The following TNFAIP3 variants were observed in gnomAD, a reference collection of about 807,000 sequenced individuals.
The protein encoded by TNFAIP3 is TNF alpha induced protein 3.
Under a neutral mutation model 72.4 loss-of-function variants are expected in TNFAIP3, and 9 were observed. That is an observed-to-expected ratio of 0.12 (90% CI 0.07 to 0.22). The LOEUF is 0.22. Ranked by LOEUF, TNFAIP3 falls within the 10% of genes least tolerant of loss-of-function variation. The pLI is 1.00. For synonymous variants in TNFAIP3, 339 were observed against 372.6 expected (o/e 0.91, Z 1.04); for missense variants, 833 against 1,018.7 (o/e 0.82, Z 2.48).
In TNFAIP3 at chr6:137,878,806, C is replaced by T; in HGVS notation, c.1361C>T (p.Thr454Ile). Reference sequence around the variant, plus strand: ...TTGGCGTGGAACCCTGAGGAGTCCACTGGGGGGCCTCATTCGGCCCCACCG... The same window carrying T: ...TTGGCGTGGAACCCTGAGGAGTCCATTGGGGGGCCTCATTCGGCCCCACCG... The part of the protein sequence containing the change: ...EPLAWNPEES[T>I]GGPHSAPPTA... The change falls in exon 7 of 9, where the codon ACT becomes ATT. Residue 454 changes from threonine to isoleucine, a missense_variant. Transcript: ENST00000612899. 6.2e-7 allele frequency: 1 copy of T among 1,614,112 alleles called. No individual in the cohort carries two copies. Among genetic ancestry groups the T allele is most frequent in the Non-Finnish European group, 8.5e-7 (1 of 1,180,038 alleles).
At chr6:137,873,935 A>G (rs1776144344) in intron 2 of TNFAIP3, among the ~76,000 whole-genome samples, 1 of 152,186 alleles carries the variant, frequency 6.6e-6, no homozygotes, top group Non-Finnish European at 1.5e-5. Flanking sequence ...TATAAAAATT[A>G]TTTTGCACTT....
chr6:137,869,547 A>C (rs5029930), intron 1 of TNFAIP3, among the ~76,000 whole-genome samples: 29,202 of 152,146 alleles, frequency 0.19, 5,038 homozygotes, highest in African/African-American at 0.47. Context: ...AATGACTCCC[A>C]CTATGCCTTT....
At chr6:137,875,419 G>T (rs1218277065) in intron 3 of TNFAIP3, among the ~76,000 whole-genome samples, 1 of 152,096 alleles carries the variant, frequency 6.6e-6, no homozygotes, top group Non-Finnish European at 1.5e-5. Context: ...ATAAGGGGCT[G>T]CAATATGATA....
At position 137,881,566 on chromosome 6, in the gene TNFAIP3, T is replaced by G; in HGVS notation, c.*247T>G. On this transcript the variant is annotated 3_prime_UTR_variant, in exon 9 of 9. Coordinates refer to ENST00000612899, the MANE Select transcript of TNFAIP3 (RefSeq NM_001270508.2). The surrounding 1 kb of genome is among the most constrained non-coding windows in gnomAD (Gnocchi z 5.0). The stretch of plus-strand genomic sequence containing the variant: ...GGATGATGTCAGATTCAGCCCAAGG[T>G]TCCTCCTCTCCTACCAAGCAGGAGG... 5 of 414,016 alleles carry G rather than the reference T, an allele frequency of 1.2e-5. No individual in the cohort carries two copies. The highest frequency in any genetic ancestry group is 3.7e-5 in the East Asian group (1 of 27,038). 25.6% of individuals were successfully genotyped at this position (414,016 alleles called of 1,614,324 possible). A position where few individuals can be genotyped will look rare whatever the true frequency, so the allele number is the denominator to read the frequency against.
Position 137,875,016 on chromosome 6 carries a change from G to T in TNFAIP3, c.467G>T (p.Gly156Val), listed in dbSNP as rs1431526097. 9 of 1,614,020 alleles carry T rather than the reference G, an allele frequency of 5.6e-6. No individual in the cohort carries two copies. The highest frequency in any genetic ancestry group is 6.8e-6 in the Non-Finnish European group (8 of 1,180,040). Residue 156 changes from glycine to valine, a missense_variant, in exon 3 of 9, where the codon GGG becomes GTG. Coordinates refer to ENST00000612899, the MANE Select transcript of TNFAIP3 (RefSeq NM_001270508.2). ...AAATCTCAGGAATTTGTTGAAACGG[G>T]GCTTTGCTATGATACTCGGGTAGGT... ...SLKSQEFVETGLCYDTRNWND... is the reference protein window; with the variant it reads ...SLKSQEFVETVLCYDTRNWND...
intron 2 of TNFAIP3, among the ~76,000 whole-genome samples, chr6:137,873,670 G>C (rs1776134288): frequency 6.6e-6 from 1 of 152,106 alleles, no homozygotes; most frequent in Non-Finnish European, 1.5e-5. Flanking sequence ...TTTTGCAAAG[G>C]GGAAATTTCA....
intron 2 of TNFAIP3, among the ~76,000 whole-genome samples, chr6:137,872,151 T>C (rs1424372652): frequency 6.6e-6 from 1 of 152,240 alleles, no homozygotes; most frequent in African/African-American, 2.4e-5. Context: ...GGGTTCTTAG[T>C]CACTGAATTC....
rs780049410 is a variant in TNFAIP3 at position 137,880,125 on chromosome 6, C to A, written c.1961C>A (p.Thr654Asn). The stretch of plus-strand genomic sequence containing the variant: ...CCCACAGCGTCCAGGTTCCAGAACA[C>A]CATTCCGTGCCTGGGGAGGGAATGC... The part of the protein sequence containing the change: ...VSPTASRFQN[T>N]IPCLGRECGT... The change falls in exon 8 of 9, where the codon ACC becomes AAC. Residue 654 changes from threonine (T) to asparagine (N), a missense_variant. Thr to Asn is a moderately conservative substitution (Grantham distance 65, BLOSUM62 0). Around this residue, in one of 2 missense-constraint regions of TNFAIP3, gnomAD observed 587 missense variants for 657.8 expected, o/e 0.89. Transcript: ENST00000612899. 1.2e-6 allele frequency: 2 copies of A among 1,614,120 alleles called. No individual in the cohort carries two copies. The highest frequency in any genetic ancestry group is 1.7e-6 in the Non-Finnish European group (2 of 1,180,010).
intron 1 of TNFAIP3, among the ~76,000 whole-genome samples, chr6:137,869,796 C>A (rs548769093): frequency 2.3e-4 from 35 of 152,300 alleles, no homozygotes; most frequent in Non-Finnish European, 3.5e-4. Flanking sequence ...GTTGCCCTGG[C>A]AAATAAGATG....
chr6:137,872,202 G>A (rs1330171962), intron 2 of TNFAIP3, among the ~76,000 whole-genome samples: 1 of 152,180 alleles, frequency 6.6e-6, no homozygotes, highest in East Asian at 1.9e-4. Context: ...TTTACCACTA[G>A]TAGCTATTTC....
intron 8 of TNFAIP3, among the ~76,000 whole-genome samples, chr6:137,880,506 A>C (rs139310886): frequency 1.3e-5 from 2 of 152,374 alleles, no homozygotes; most frequent in East Asian, 3.9e-4. Flanking sequence ...CAGCCATTGC[A>C]TAAAACTTCT....
chr6:137,874,114 C>T (rs1776150579), intron 2 of TNFAIP3, among the ~76,000 whole-genome samples: 1 of 152,152 alleles, frequency 6.6e-6, no homozygotes, highest in Non-Finnish European at 1.5e-5. Flanking sequence ...TTTTTCTTCT[C>T]AAAATGTTAG....
chr6:137,866,492 G>A (rs1775840101), upstream of TNFAIP3: 1 of 152,524 alleles, frequency 6.6e-6, no homozygotes, highest in African/African-American at 2.4e-5. Context: ...TGAATGCAAT[G>A]TCAGCTGGAT....
At position 137,867,900 on chromosome 6, in the gene TNFAIP3, T is replaced by C. The variant is rs1309876751; in HGVS notation, c.-16+358T>C. ...GTCTTTTTTGGAGCCAAGCGTTGCA[T>C]GCTCATGGCCACGTAGACCTTGCAG... is the stretch of plus-strand genomic sequence containing the variant. On this transcript the variant is annotated intron_variant, in intron 1 of 8. Coordinates refer to ENST00000612899, the MANE Select transcript of TNFAIP3 (RefSeq NM_001270508.2). The surrounding 1 kb of genome is among the most constrained non-coding windows in gnomAD (Gnocchi z 6.0). The C allele has an allele frequency of 3.9e-5, 6 of 152,422 alleles. No homozygotes were observed. Among genetic ancestry groups the C allele is most frequent in the Non-Finnish European group, 7.3e-5 (5 of 68,060 alleles). 9.4% of individuals were successfully genotyped at this position (152,422 alleles called of 1,614,324 possible).
At position 137,879,143 on chromosome 6, in the gene TNFAIP3, T is replaced by C. The variant is rs1229895006; in HGVS notation, c.1698T>C (p.Asp566=). The C allele has an allele frequency of 1.2e-6, 2 of 1,614,054 alleles. No individual in the cohort carries two copies. Among genetic ancestry groups the C allele is most frequent in the East Asian group, 4.5e-5 (2 of 44,866 alleles). The change falls in exon 7 of 9, where the codon GAT becomes GAC. Residue 566 remains aspartate, a synonymous_variant. Coordinates refer to ENST00000612899, the MANE Select transcript of TNFAIP3 (RefSeq NM_001270508.2). ...PPSCHQRSKS[D]PSRLVRSPSP... is the part of the protein sequence containing the mutation. ...CCTGTCACCAGCGTTCCAAGTCAGATCCCTCGCGGCTCGTCCGGAGCCCCT... is the reference window on the plus strand; with the variant it reads ...CCTGTCACCAGCGTTCCAAGTCAGACCCCTCGCGGCTCGTCCGGAGCCCCT...
rs1021046747 is a variant in TNFAIP3, at chr6:137,871,671, G to A, written c.295+149G>A. ...CCTTTATATAGAATCTCTATTCGGG[G>A]TATGTGATAATAGCAGACTTGTTTT... On this transcript the variant is annotated intron_variant, in intron 2 of 8. Coordinates refer to ENST00000612899, the MANE Select transcript of TNFAIP3 (RefSeq NM_001270508.2). This position sits in a 1 kb window ranked among gnomAD's most constrained non-coding sequence, Gnocchi z 4.2. 9.1e-5 allele frequency: 80 copies of A among 876,808 alleles called. No homozygotes were observed. Among genetic ancestry groups the A allele is most frequent in the Non-Finnish European group, 1.3e-4 (75 of 583,550 alleles). The allele number at this position is 876,808 out of a possible 1,614,324, so 54.3% of individuals were successfully genotyped here.
rs1776328032 is a variant in TNFAIP3 at position 137,878,611 on chromosome 6, C to T, written c.1166C>T (p.Thr389Met). 6 of 1,614,246 alleles carry T rather than the reference C, an allele frequency of 3.7e-6. No homozygotes were observed. The highest frequency in any genetic ancestry group is 1.1e-5 in the South Asian group (1 of 91,092). The change falls in exon 7 of 9, where the codon ACG becomes ATG. Residue 389 changes from threonine to methionine, a missense_variant. By Grantham distance (81) the Thr-to-Met change is moderately conservative. This residue lies in a region of TNFAIP3 where 587 missense variants were observed against 657.8 expected (regional missense o/e 0.89). Transcript: ENST00000612899. ...TCTCTCATGGATGTAAAATGTGAAACGCCCAACTGCCCCTTCTTCATGTCT... is the reference window on the plus strand; with the variant it reads ...TCTCTCATGGATGTAAAATGTGAAATGCCCAACTGCCCCTTCTTCATGTCT... ...QLSLMDVKCETPNCPFFMSVN... is the reference protein window; with the variant it reads ...QLSLMDVKCEMPNCPFFMSVN...
At chr6:137,870,314 G>A (rs1244370044) in intron 1 of TNFAIP3, among the ~76,000 whole-genome samples, 1 of 152,080 alleles carries the variant, frequency 6.6e-6, no homozygotes, top group Non-Finnish European at 1.5e-5. Flanking sequence ...TAGAGACCTA[G>A]GTCTCACCGT....
chr6:137,877,226 A>G lies in TNFAIP3; in HGVS notation c.956A>G (p.His319Arg), dbSNP rs2114490939. ...GAAATCCCCGTCCAAGGCTGGGACCATGGCACAACTCATCTCATCAATGCC... is the reference window on the plus strand; with the variant it reads ...GAAATCCCCGTCCAAGGCTGGGACCGTGGCACAACTCATCTCATCAATGCC... ...VIEIPVQGWD[H>R]GTTHLINAAK... The change falls in exon 6 of 9, where the codon CAT becomes CGT. Residue 319 changes from histidine (H) to arginine (R), a missense_variant. This residue lies in a region of TNFAIP3 where 587 missense variants were observed against 657.8 expected (regional missense o/e 0.89). Coordinates refer to ENST00000612899, the MANE Select transcript of TNFAIP3 (RefSeq NM_001270508.2). 1.2e-6 allele frequency: 2 copies of G among 1,613,116 alleles called. No individual in the cohort carries two copies. Among genetic ancestry groups the G allele is most frequent in the East Asian group, 2.2e-5 (1 of 44,836 alleles).
Sources: allele counts gnomAD v4.1 joint callset (sites outside exome capture counted in the v4.1 genomes callset), GRCh38; gene constraint gnomAD v4.1.1; regional missense constraint gnomAD v4.1.1; non-coding constraint Gnocchi (gnomAD v3.1); transcripts MANE v1.5; gene names NCBI Gene and HGNC (gene_info 2026-07-23, HGNC 2026-07-21).